COL5A2: variants seen among roughly 807,000 people sequenced by gnomAD.
COL5A2 encodes the protein collagen alpha-2(V) chain.
A neutral mutation model predicts 208.2 loss-of-function variants in COL5A2; 23 were observed. The ratio of observed to expected loss-of-function variants is 0.11; its 90% CI spans 0.08 to 0.16. The LOEUF (loss-of-function observed/expected upper bound fraction) is 0.16, where lower values mean the gene tolerates loss of function less well. Among genes scored for constraint, COL5A2 ranks in the 10% least tolerant of loss-of-function variants. The pLI is 1.00. For missense variants in COL5A2, 1,590 were observed against 1,956.4 expected (o/e 0.81, Z 3.53); for synonymous variants, 625 against 628.5 (o/e 0.99, Z 0.08).
At chr2:189,264,138 C>T in the COL5A2 span, among the ~76,000 whole-genome samples, 5 of 151,684 alleles carry the variant, frequency 3.3e-5, no homozygotes, top group South Asian at 2.1e-4. Flanking sequence ...CTAGAAAATA[C>T]GTGTGTAAGA....
In COL5A2 at chr2:189,033,268, T is replaced by TA. The variant is rs1181319219; in HGVS notation, c.*801dup. 2.6e-5 allele frequency: 4 copies of TA among 152,722 alleles called. No homozygotes were observed. The East Asian group carries it at 7.7e-4, about 29-fold the overall frequency. The allele number at this position is 152,722 out of a possible 1,614,324, so 9.5% of individuals were successfully genotyped here. A position where few individuals can be genotyped will look rare whatever the true frequency, so the allele number is the denominator to read the frequency against. Reference sequence around the variant, plus strand: ...CAATATCTTCTTAAATAAGAAAGTGTAAATGTATTAAATGGTATATACTAG... The same window carrying TA: ...CAATATCTTCTTAAATAAGAAAGTGTAAAATGTATTAAATGGTATATACTAG... On this transcript the variant is annotated 3_prime_UTR_variant, in exon 54 of 54. Transcript: ENST00000374866.
the COL5A2 span, among the ~76,000 whole-genome samples, chr2:189,256,905 G>T: frequency 6.6e-6 from 1 of 152,166 alleles, no homozygotes; most frequent in Non-Finnish European, 1.5e-5. Context: ...TGGGATTACA[G>T]GCGTAAGCCA....
intron 1 of COL5A2, among the ~76,000 whole-genome samples, chr2:189,145,357 G>A (rs1006531266): frequency 6.6e-6 from 1 of 151,990 alleles, no homozygotes; most frequent in African/African-American, 2.4e-5. Context: ...TCAAGGCAGC[G>A]TTCACTGAAT....
chr2:189,128,566 G>A (rs2037170), intron 1 of COL5A2, among the ~76,000 whole-genome samples: 150,508 of 152,058 alleles, frequency 0.99, 74,506 homozygotes, highest in Middle Eastern at 1. Flanking sequence ...CATCAGAATC[G>A]CTCAGAGAAT....
At chr2:189,086,894 T>TCA in intron 8 of COL5A2, 124 bp from the exon 9 acceptor site, 2 of 787,496 alleles carry the variant, frequency 2.5e-6, no homozygotes, top group Non-Finnish European at 4.3e-6. Context: ...GATGATGACA[T>TCA]TCTCCATCTG....
chr2:189,319,547 C>T, the COL5A2 span, among the ~76,000 whole-genome samples: 15 of 152,252 alleles, frequency 9.9e-5, no homozygotes, highest in African/African-American at 2.9e-4. Flanking sequence ...GGGTCCCACG[C>T]CCACGGAGCC....
chr2:189,336,078 G>A, the COL5A2 span, among the ~76,000 whole-genome samples: 1 of 152,046 alleles, frequency 6.6e-6, no homozygotes, highest in Non-Finnish European at 1.5e-5. Context: ...AAAATGGGTA[G>A]AAGAATTGAA....
At chr2:189,318,429 C>T in the COL5A2 span, among the ~76,000 whole-genome samples, 1 of 152,162 alleles carries the variant, frequency 6.6e-6, no homozygotes, top group Middle Eastern at 3.2e-3. Flanking sequence ...AGCCAACTCC[C>T]TCTACATGCC....
the COL5A2 span, among the ~76,000 whole-genome samples, chr2:189,332,407 G>A: frequency 1.6e-3 from 245 of 152,234 alleles, 1 homozygote; most frequent in Admixed American, 0.012. Context: ...TCAAGTCCCC[G>A]TATATTTCAA....
At chr2:189,311,455 C>A in the COL5A2 span, 4 of 1,116,108 alleles carry the variant, frequency 3.6e-6, no homozygotes, top group Non-Finnish European at 5.3e-6. Flanking sequence ...CGATGTTCAG[C>A]AGGGCCTCCT....
chr2:189,394,176 T>C, the COL5A2 span, among the ~76,000 whole-genome samples: 2 of 152,186 alleles, frequency 1.3e-5, no homozygotes, highest in African/African-American at 4.8e-5. Context: ...TCTTGGATAA[T>C]GTTGATTTTA....
chr2:189,168,876 A>G (rs1688521526), intron 1 of COL5A2, among the ~76,000 whole-genome samples: 1 of 152,216 alleles, frequency 6.6e-6, no homozygotes, highest in African/African-American at 2.4e-5. Context: ...GAAAACCTAC[A>G]AAGAAAGAAC....
At chr2:189,322,130 A>G in the COL5A2 span, among the ~76,000 whole-genome samples, 1 of 152,126 alleles carries the variant, frequency 6.6e-6, no homozygotes, top group South Asian at 2.1e-4. Flanking sequence ...TGAAACCAAC[A>G]AGAACAAAGA....
the COL5A2 span, among the ~76,000 whole-genome samples, chr2:189,373,869 C>T: frequency 6.6e-6 from 1 of 152,160 alleles, no homozygotes; most frequent in Non-Finnish European, 1.5e-5. Flanking sequence ...AAGACATCTG[C>T]AATCCAGGAA....
chr2:189,120,228 T>A (rs1687473155), intron 1 of COL5A2, among the ~76,000 whole-genome samples: 1 of 152,118 alleles, frequency 6.6e-6, no homozygotes, highest in African/African-American at 2.4e-5. Flanking sequence ...CAAAAGATAA[T>A]GAATTTTTTG....
chr2:189,415,522 A>ATT, the COL5A2 span, among the ~76,000 whole-genome samples: 3 of 151,416 alleles, frequency 2.0e-5, no homozygotes, highest in African/African-American at 7.3e-5. Context: ...GCCTCTCTAC[A>ATT]TTTTTCTACT....
At chr2:189,187,269 G>T (rs1688864438) in intron 1 of COL5A2, among the ~76,000 whole-genome samples, 1 of 152,174 alleles carries the variant, frequency 6.6e-6, no homozygotes, top group African/African-American at 2.4e-5. Context: ...ACAATATAAT[G>T]AATGGCCTCA....
At chr2:189,116,996 C>T (rs1396679478) in intron 1 of COL5A2, among the ~76,000 whole-genome samples, 2 of 152,112 alleles carry the variant, frequency 1.3e-5, no homozygotes, top group African/African-American at 4.8e-5. Context: ...TTCTTCAGTG[C>T]AACCATTAAA....
the COL5A2 span, among the ~76,000 whole-genome samples, chr2:189,356,927 T>A: frequency 2.6e-5 from 4 of 152,296 alleles, no homozygotes; most frequent in African/African-American, 9.6e-5. Flanking sequence ...TCTGAGTGGA[T>A]GTCCTTTTTG....
Sources: allele counts gnomAD v4.1 joint callset (sites outside exome capture counted in the v4.1 genomes callset), GRCh38; gene constraint gnomAD v4.1.1; transcripts MANE v1.5; gene names NCBI Gene and HGNC (gene_info 2026-07-23, HGNC 2026-07-21).